GGT1: variants seen among roughly 807,000 people sequenced by gnomAD.
GGT1 encodes glutathione hydrolase 1 proenzyme.
In GGT1, 21 loss-of-function variants were observed where a neutral mutation model predicts 56.0. The observed-to-expected ratio is 0.38, with a 90% CI of 0.27 to 0.54. The LOEUF is 0.54. Among genes scored for constraint, GGT1 ranks in the 20% least tolerant of loss-of-function variants. The pLI is 0.82. For synonymous variants in GGT1, 238 were observed against 342.6 expected (o/e 0.69, Z 3.37); for missense variants, 466 against 787.0 (o/e 0.59, Z 4.88).
At position 24,605,772 on chromosome 22, in the gene GGT1, AATGTGTATTATATATTATATAATATATG is replaced by A. The variant is rs1569049284; in HGVS notation, c.-428-2160_-428-2133del. Among the ~76,000 whole-genome samples the A allele has an allele frequency of 4.8e-4, 25 of 51,866 alleles. 1 individual carries two copies. The South Asian group carries it at 5.1e-3, about 11-fold the overall frequency. The allele number at this position is 51,866 out of a possible 152,430, so 34.0% of individuals were successfully genotyped here. ...TATTATATATTATATAATATTATAT[AATGTGTATTATATATTATATAATATATG>A]ATGTGTATTATATATTATATATTAT... On this transcript the variant is annotated intron_variant, in intron 1 of 15. Transcript: ENST00000400382.
At chr22:24,584,923 GAGGA>G in the GGT1 span, among the ~76,000 whole-genome samples, 7 of 151,946 alleles carry the variant, frequency 4.6e-5, no homozygotes, top group Non-Finnish European at 1.0e-4. Context: ...GGTGCTTGGG[GAGGA>G]AGGGAGACAC....
intron 1 of GGT1, among the ~76,000 whole-genome samples, chr22:24,605,794 ATATATGATGTG>A (rs1569049346): frequency 8.7e-4 from 46 of 52,648 alleles, no homozygotes; most frequent in Admixed American, 2.3e-3. Context: ...ATATTATATA[ATATATGATGTG>A]TATTATATAT....
At chr22:24,586,472 A>G in the GGT1 span, 2 of 1,523,620 alleles carry the variant, frequency 1.3e-6, no homozygotes, top group Non-Finnish European at 1.8e-6. Flanking sequence ...CACTGACCAC[A>G]GACAGTGACC....
At chr22:24,600,239 G>A (rs1016913802), upstream of GGT1, among the ~76,000 whole-genome samples, 3 of 152,220 alleles carry the variant, frequency 2.0e-5, no homozygotes, top group Non-Finnish European at 4.4e-5. Flanking sequence ...AAAGTAGGAG[G>A]TGCATTGTCT....
intron 1 of GGT1, among the ~76,000 whole-genome samples, chr22:24,605,658 T>A: frequency 2.2e-5 from 1 of 46,008 alleles, no homozygotes; most frequent in East Asian, 7.9e-4. Context: ...TTATATAATG[T>A]GTATTATATA....
At chr22:24,589,564 T>C in the GGT1 span, 1 of 472,324 alleles carries the variant, frequency 2.1e-6, no homozygotes, top group Non-Finnish European at 3.4e-6. Context: ...CCAGGCCTGG[T>C]GCACAGTGCT....
At chr22:24,606,015 ATATTATATTTATATAATT>A (rs2046285221) in intron 1 of GGT1, among the ~76,000 whole-genome samples, 1 of 55,736 alleles carries the variant, frequency 1.8e-5, no homozygotes, top group Non-Finnish European at 3.4e-5. Context: ...AATATATCAT[ATATTATATTTATATAATT>A]TATATAATAT....
At chr22:24,622,943 C>G (rs1421801935) in intron 9 of GGT1, among the ~76,000 whole-genome samples, 164 bp from the exon 10 acceptor site, 1 of 152,082 alleles carries the variant, frequency 6.6e-6, no homozygotes. Context: ...AGGGCACAGT[C>G]CCACCCCTCC....
intron 10 of GGT1, among the ~76,000 whole-genome samples, chr22:24,623,524 G>A (rs1199799967): frequency 5.3e-5 from 8 of 149,892 alleles, no homozygotes; most frequent in Non-Finnish European, 1.0e-4. Context: ...CTGCAGGGCC[G>A]GTCCAGAGGG....
At chr22:24,612,244 CTTTTTTT>C (rs796939700) in intron 5 of GGT1, among the ~76,000 whole-genome samples, 24 of 75,374 alleles carry the variant, frequency 3.2e-4, no homozygotes, top group Admixed American at 8.4e-4. Context: ...CCGGCTTATT[CTTTTTTT>C]TTTTTTTTTT....
chr22:24,592,074 T>G, upstream of GGT1: 1 of 346,020 alleles, frequency 2.9e-6, no homozygotes, highest in Non-Finnish European at 5.7e-6. Context: ...ATGGCTGACT[T>G]CCTGCTCACA....
At chr22:24,627,272 A>C (rs531542863) in intron 11 of GGT1, 160 bp from the exon 12 acceptor site, 1 of 1,314,670 alleles carries the variant, frequency 7.6e-7, no homozygotes, top group Admixed American at 2.6e-5. Flanking sequence ...CAGACTGGTC[A>C]TGCAAGGTCC....
chr22:24,624,496 C>T lies in GGT1; in HGVS notation c.1020+580C>T, dbSNP rs368910888. The stretch of plus-strand genomic sequence containing the variant: ...AGACCCCCCCACACTGACCAGTGAC[C>T]TCCCAGGAGGGGCGTCAGCTGCCCA... On this transcript the variant is annotated intron_variant, in intron 11 of 15. Coordinates refer to ENST00000400382, the MANE Select transcript of GGT1 (RefSeq NM_001288833.2). 298 of 959,938 alleles carry T rather than the reference C, an allele frequency of 3.1e-4. 3 individuals are homozygous for T. In the South Asian group the frequency reaches 0.013, roughly 41 times the overall value. The allele number at this position is 959,938 out of a possible 1,614,324, so 59.5% of individuals were successfully genotyped here. A position where few individuals can be genotyped will look rare whatever the true frequency, so the allele number is the denominator to read the frequency against.
rs2046213885 is a variant in GGT1 at position 24,605,868 on chromosome 22, A to G, written c.-428-2086A>G. On this transcript the variant is annotated intron_variant, in intron 1 of 15. Coordinates refer to ENST00000400382, the MANE Select transcript of GGT1 (RefSeq NM_001288833.2). Reference sequence around the variant, plus strand: ...TTATATAATATATGATGTGTATTATATATTATATAATATATGATGTGTATT... The same window carrying G: ...TTATATAATATATGATGTGTATTATGTATTATATAATATATGATGTGTATT... 2.5e-5 allele frequency among the ~76,000 whole-genome samples: 2 copies of G among 78,968 alleles called. 1 individual carries two copies. The highest frequency in any genetic ancestry group is 1.2e-4 in the African/African-American group (2 of 17,284). 51.8% of individuals were successfully genotyped at this position (78,968 alleles called of 152,430 possible).
At chr22:24,605,793 A>ATT (rs2046195787) in intron 1 of GGT1, among the ~76,000 whole-genome samples, 4 of 71,930 alleles carry the variant, frequency 5.6e-5, no homozygotes, top group Non-Finnish European at 8.3e-5. Context: ...TATATTATAT[A>ATT]ATATATGATG....
chr22:24,614,348 C>CAAAAA (rs534749815), intron 5 of GGT1, among the ~76,000 whole-genome samples: 10 of 10,746 alleles, frequency 9.3e-4, no homozygotes, highest in African/African-American at 2.2e-3. Context: ...GACTTTGTCT[C>CAAAAA]AAAAAAAAAA....
At chr22:24,617,205 TG>T (rs1459376436) in intron 7 of GGT1, among the ~76,000 whole-genome samples, 4 of 152,054 alleles carry the variant, frequency 2.6e-5, no homozygotes, top group Non-Finnish European at 5.9e-5. Context: ...GAGGCAGAGA[TG>T]GGGTCAGGGG....
intron 1 of GGT1, among the ~76,000 whole-genome samples, chr22:24,604,068 G>A (rs917496315): frequency 1.3e-5 from 2 of 152,090 alleles, no homozygotes; most frequent in African/African-American, 4.8e-5. Context: ...GTGAGAGACA[G>A]ATTCCAACTC....
chr22:24,592,117 G>A (rs2045586407), upstream of GGT1: 2 of 367,730 alleles, frequency 5.4e-6, no homozygotes, highest in South Asian at 3.9e-5. Context: ...AGCTGCTGTA[G>A]GGGGTGGGGA....
Sources: allele counts gnomAD v4.1 joint callset (sites outside exome capture counted in the v4.1 genomes callset), GRCh38; gene constraint gnomAD v4.1.1; transcripts MANE v1.5; gene names NCBI Gene and HGNC (gene_info 2026-07-23, HGNC 2026-07-21).